SPATA3: variants seen among roughly 807,000 people sequenced by gnomAD.
The protein encoded by SPATA3 is spermatogenesis associated 3.
SPATA3 carries 6 observed loss-of-function variants against 5.7 expected under a neutral mutation model. The observed-to-expected ratio is 1.06, with a 90% CI of 0.58 to 2.09. The LOEUF is 2.09. Among genes scored for constraint, SPATA3 ranks in the 30% most tolerant of loss-of-function variants. The probability of loss-of-function intolerance (pLI) is 0.00; values close to 1 mark genes in which losing one functional copy is unlikely to be tolerated. For missense variants in SPATA3, 155 were observed against 130.4 expected, an observed-to-expected ratio of 1.19 and a Z score of -0.92; for synonymous variants, 44 against 48.4, an observed-to-expected ratio of 0.91 and a Z score of 0.37.
downstream of SPATA3, among the ~76,000 whole-genome samples, chr2:231,004,890 G>C (rs1692481573): frequency 6.6e-6 from 1 of 152,092 alleles, no homozygotes; most frequent in Middle Eastern, 3.4e-3. Context: ...TCCTGGCACA[G>C]GATAAGCACT....
intron 2 of SPATA3, among the ~76,000 whole-genome samples, chr2:231,002,230 G>A (rs1692379009): frequency 6.6e-6 from 1 of 152,134 alleles, no homozygotes; most frequent in Non-Finnish European, 1.5e-5. Flanking sequence ...TTTTTTGAAT[G>A]CCCTCCTCAC....
chr2:231,014,565 G>T (rs1294678766), intron 6 of SPATA3, among the ~76,000 whole-genome samples: 1 of 152,126 alleles, frequency 6.6e-6, no homozygotes, highest in Non-Finnish European at 1.5e-5. Context: ...GGGGCATCCT[G>T]GGGGACGGAA....
At chr2:231,007,193 G>A (rs761639951), downstream of SPATA3, 3 of 152,088 alleles carry the variant, frequency 2.0e-5, no homozygotes, top group Non-Finnish European at 2.9e-5. Context: ...TGTCTAAGCT[G>A]ATTGGCTCTG....
downstream of SPATA3, chr2:231,007,407 G>A (rs766659801): frequency 6.6e-6 from 1 of 152,224 alleles, no homozygotes; most frequent in African/African-American, 2.4e-5. Flanking sequence ...ACTGGTGCCT[G>A]TCATTCCTGT....
intron 1 of SPATA3, among the ~76,000 whole-genome samples, chr2:230,996,806 A>G (rs541299597): frequency 7.2e-5 from 11 of 152,368 alleles, no homozygotes; most frequent in African/African-American, 2.6e-4. Context: ...CTCACTAGGA[A>G]TCAGCAGTGC....
At chr2:231,003,036 G>A (rs996148509), downstream of SPATA3, among the ~76,000 whole-genome samples, 7 of 152,114 alleles carry the variant, frequency 4.6e-5, no homozygotes, top group African/African-American at 7.2e-5. Context: ...CCTCTGCCCC[G>A]GGATGGTGTC....
At chr2:231,005,449 C>CACT (rs1240036515), downstream of SPATA3, among the ~76,000 whole-genome samples, 45 of 45,306 alleles carry the variant, frequency 9.9e-4, 1 homozygote, top group African/African-American at 3.6e-3. Context: ...TCACCACCAT[C>CACT]ACCACCACCA....
chr2:231,010,514 G>C (rs1480202057), downstream of SPATA3, among the ~76,000 whole-genome samples: 1 of 152,162 alleles, frequency 6.6e-6, no homozygotes, highest in Admixed American at 6.6e-5. Context: ...CAAGGCTGGG[G>C]GAAAATTCAA....
chr2:231,005,352 TCACCAC>T (rs1692555884), downstream of SPATA3, among the ~76,000 whole-genome samples: 4 of 43,280 alleles, frequency 9.2e-5, no homozygotes, highest in Non-Finnish European at 9.7e-5. Context: ...ATCATCACCA[TCACCAC>T]CACCACCATC....
chr2:231,019,573 C>T (rs1214824275), intron 6 of SPATA3: 5 of 151,176 alleles, frequency 3.3e-5, no homozygotes, highest in African/African-American at 4.9e-5. Context: ...ATTCACCCAC[C>T]TCGGCCTCCC....
At chr2:231,008,267 G>A (rs1238859386), downstream of SPATA3, among the ~76,000 whole-genome samples, 1 of 152,204 alleles carries the variant, frequency 6.6e-6, no homozygotes, top group Non-Finnish European at 1.5e-5. Context: ...TCCCCTTCTG[G>A]AGAGGAAGCC....
intron 1 of SPATA3, among the ~76,000 whole-genome samples, chr2:230,997,736 C>A (rs1041329706): frequency 6.6e-6 from 1 of 152,198 alleles, no homozygotes; most frequent in Non-Finnish European, 1.5e-5. Flanking sequence ...TCTGTATAAG[C>A]ATTGGATTGT....
chr2:231,007,503 G>T (rs1574669184), downstream of SPATA3, among the ~76,000 whole-genome samples: 1 of 152,192 alleles, frequency 6.6e-6, no homozygotes, highest in Admixed American at 6.5e-5. Context: ...TCACTCTAAA[G>T]GAAGGGATTA....
chr2:231,017,927 CT>C lies in SPATA3; in HGVS notation c.*566-1782del, dbSNP rs200333917. 6.3e-3 allele frequency among the ~76,000 whole-genome samples: 848 copies of C among 134,456 alleles called. 7 individuals are homozygous for C. The highest frequency in any genetic ancestry group is 0.022 in the African/African-American group (782 of 35,956). The allele number at this position is 134,456 out of a possible 152,430, so 88.2% of individuals were successfully genotyped here. ...CACTTTTAAAGGTCTGATAGAGAAA[CT>C]TTTTTTTTTTCTTTTAGACAGGGTC... On this transcript the variant is annotated intron_variant, in intron 6 of 8. Coordinates refer to the SPATA3 transcript ENST00000452881.
downstream of SPATA3, among the ~76,000 whole-genome samples, chr2:231,011,086 A>AG (rs1484947061): frequency 2.5e-4 from 36 of 144,088 alleles, no homozygotes; most frequent in South Asian, 3.2e-3. Context: ...AAAAAAAAAA[A>AG]AAAGAAAAGA....
At chr2:231,010,689 T>A (rs147686731), downstream of SPATA3, among the ~76,000 whole-genome samples, 2 of 152,062 alleles carry the variant, frequency 1.3e-5, no homozygotes, top group East Asian at 3.9e-4. Flanking sequence ...GAGGCCTTCA[T>A]TTTGAGGTAT....
chr2:231,000,491 C>G (rs1265188822), exon 2 of SPATA3: 1 of 1,548,932 alleles, frequency 6.5e-7, no homozygotes, highest in South Asian at 1.2e-5. Flanking sequence ...TCGGGACTGG[C>G]AGATGGCGCC....
exon 6 of SPATA3, chr2:231,014,083 C>T (rs1207182788): frequency 1.3e-5 from 2 of 152,098 alleles, no homozygotes; most frequent in Admixed American, 6.5e-5. Context: ...GTTAGACACC[C>T]TTCATCACAA....
chr2:231,014,969 AG>A (rs1221555410), intron 6 of SPATA3, among the ~76,000 whole-genome samples: 2 of 152,196 alleles, frequency 1.3e-5, no homozygotes, highest in Non-Finnish European at 2.9e-5. Flanking sequence ...AGGGAGCACC[AG>A]CAAACCCTAC....
Sources: gnomAD v4.1 joint callset for allele counts (sites outside exome capture counted in the v4.1 genomes callset) on GRCh38, gnomAD v4.1.1 for gene constraint, MANE v1.5 for transcripts, NCBI Gene and HGNC (gene_info 2026-07-23, HGNC 2026-07-21) for gene names.